The following HCN1 variants were observed in gnomAD, a reference collection of about 807,000 sequenced individuals.
The protein encoded by HCN1 is potassium/sodium hyperpolarization-activated cyclic nucleotide-gated channel 1.
In HCN1, 13 loss-of-function variants were observed where a neutral mutation model predicts 78.9. The ratio of observed to expected loss-of-function variants is 0.16; its 90% CI spans 0.11 to 0.26. The LOEUF (loss-of-function observed/expected upper bound fraction) is 0.26. Ranked by LOEUF, HCN1 falls within the 10% of genes least tolerant of loss-of-function variation. The pLI is 1.00. For synonymous variants in HCN1, 552 were observed against 455.5 expected (o/e 1.21, Z -2.70); for missense variants, 810 against 1,154.3 (o/e 0.70, Z 4.32).
chr5:45,614,521 C>T (rs898143053), intron 2 of HCN1, among the ~76,000 whole-genome samples: 7 of 152,152 alleles, frequency 4.6e-5, no homozygotes, highest in Admixed American at 1.3e-4. Flanking sequence ...CACTTCTTCA[C>T]GTTGACAATG....
intron 6 of HCN1, among the ~76,000 whole-genome samples, chr5:45,281,690 C>T (rs193107305): frequency 0.026 from 3,805 of 143,874 alleles, 73 homozygotes; most frequent in Non-Finnish European, 0.037. Flanking sequence ...TGGGTTCAAG[C>T]AATTATCCTG....
chr5:45,582,153 G>T (rs1194005472), intron 2 of HCN1, among the ~76,000 whole-genome samples: 4 of 152,166 alleles, frequency 2.6e-5, no homozygotes, highest in African/African-American at 9.7e-5. Flanking sequence ...CTACCCATGA[G>T]CATGGAATGT....
chr5:45,652,015 T>C (rs1745685523), intron 1 of HCN1, among the ~76,000 whole-genome samples: 2 of 151,970 alleles, frequency 1.3e-5, no homozygotes, highest in Admixed American at 6.6e-5. Context: ...TGTCTTCCAA[T>C]AAACTAGCAA....
intron 1 of HCN1, among the ~76,000 whole-genome samples, chr5:45,693,958 A>C (rs1232424666): frequency 6.6e-6 from 1 of 152,172 alleles, no homozygotes; most frequent in Non-Finnish European, 1.5e-5. Context: ...CATGTAAGTT[A>C]TTTTCATTTA....
intron 1 of HCN1, among the ~76,000 whole-genome samples, chr5:45,693,143 C>A (rs1739945804): frequency 6.6e-6 from 1 of 152,108 alleles, no homozygotes; most frequent in South Asian, 2.1e-4. Context: ...ACATTCCTTT[C>A]CCTGTAGAAA....
intron 5 of HCN1, among the ~76,000 whole-genome samples, chr5:45,332,320 C>T (rs1746361519): frequency 6.6e-6 from 1 of 151,448 alleles, no homozygotes; most frequent in Admixed American, 6.6e-5. Flanking sequence ...AGGATTTATC[C>T]TTCATGTTAC....
chr5:45,388,001 C>T (rs746282686), intron 4 of HCN1, among the ~76,000 whole-genome samples: 6 of 152,088 alleles, frequency 3.9e-5, no homozygotes, highest in Middle Eastern at 3.4e-3. Flanking sequence ...CACAGGTAAC[C>T]GAAACTGAAA....
intron 3 of HCN1, among the ~76,000 whole-genome samples, chr5:45,429,427 C>T (rs1267156287): frequency 2.6e-5 from 4 of 151,998 alleles, no homozygotes; most frequent in Admixed American, 2.6e-4. Flanking sequence ...CAAGTTAGTG[C>T]TGGCTGTGTA....
intron 3 of HCN1, among the ~76,000 whole-genome samples, chr5:45,417,659 C>T (rs958745700): frequency 6.8e-6 from 1 of 147,552 alleles, no homozygotes; most frequent in Admixed American, 6.9e-5. Context: ...ACAGGTTATC[C>T]ACAGTCAGCT....
At chr5:45,554,188 CAGAT>C (rs1033447043) in intron 2 of HCN1, among the ~76,000 whole-genome samples, 23 of 151,916 alleles carry the variant, frequency 1.5e-4, no homozygotes, top group South Asian at 6.2e-4. Context: ...TTATCACTGA[CAGAT>C]AGGCCCATTG....
At chr5:45,563,861 A>G (rs550616714) in intron 2 of HCN1, among the ~76,000 whole-genome samples, 1 of 152,166 alleles carries the variant, frequency 6.6e-6, no homozygotes, top group African/African-American at 2.4e-5. Context: ...CCAAAAATAT[A>G]TAAGTCCACT....
rs772068771 is a variant in HCN1 at position 45,262,044 on chromosome 5, G to T, written c.2550C>A (p.Ile850=). The T allele has an allele frequency of 8.7e-6, 14 of 1,613,880 alleles. No individual in the cohort carries two copies. Among genetic ancestry groups the T allele is most frequent in the Admixed American group, 5.0e-5 (3 of 60,010 alleles). Residue 850 remains isoleucine (I), a synonymous_variant, in exon 8 of 8, where the codon ATC becomes ATA. Transcript: ENST00000303230. ...CTGGAGGGACTCCTCGGTTCGGGGGGATGGCTCCCGACGACATCTGTCGGA... is the reference window on the plus strand; with the variant it reads ...CTGGAGGGACTCCTCGGTTCGGGGGTATGGCTCCCGACGACATCTGTCGGA... The part of the protein sequence containing the change: ...TLFRQMSSGA[I]PPNRGVPPAP...
chr5:45,334,058 T>G (rs1409159418), intron 5 of HCN1, among the ~76,000 whole-genome samples: 1 of 151,842 alleles, frequency 6.6e-6, no homozygotes, highest in Non-Finnish European at 1.5e-5. Flanking sequence ...ACTTACCTCT[T>G]TTCTCCAAGA....
At chr5:45,393,764 G>A (rs750660621) in intron 4 of HCN1, among the ~76,000 whole-genome samples, 1 of 152,140 alleles carries the variant, frequency 6.6e-6, no homozygotes, top group Admixed American at 6.6e-5. Context: ...ATAAAGAATG[G>A]TCTAAAAAGA....
chr5:45,569,968 C>A (rs1743791026), intron 2 of HCN1, among the ~76,000 whole-genome samples: 1 of 151,964 alleles, frequency 6.6e-6, no homozygotes, highest in Admixed American at 6.6e-5. Context: ...AGCTTAAGCA[C>A]AAATCTTCCA....
intron 2 of HCN1, among the ~76,000 whole-genome samples, chr5:45,487,999 C>T: frequency 6.6e-6 from 1 of 152,024 alleles, no homozygotes; most frequent in East Asian, 1.9e-4. Context: ...GTAATCTTGA[C>T]TAGAGAGTAT....
intron 2 of HCN1, among the ~76,000 whole-genome samples, chr5:45,608,462 T>A (rs1744768387): frequency 6.6e-6 from 1 of 151,544 alleles, no homozygotes; most frequent in African/African-American, 2.4e-5. Flanking sequence ...CTAACATAGT[T>A]CTAAATGAGA....
chr5:45,356,446 C>T (rs895289751), intron 4 of HCN1, among the ~76,000 whole-genome samples: 9 of 151,840 alleles, frequency 5.9e-5, no homozygotes, highest in Non-Finnish European at 8.8e-5. Context: ...TTATAAAACA[C>T]GGCAAGGATC....
intron 5 of HCN1, among the ~76,000 whole-genome samples, chr5:45,311,629 C>T (rs1745853322): frequency 6.6e-6 from 1 of 152,030 alleles, no homozygotes; most frequent in South Asian, 2.1e-4. Flanking sequence ...TGTTATGATC[C>T]ATGGAGGATA....
Sources: allele counts gnomAD v4.1 joint callset (sites outside exome capture counted in the v4.1 genomes callset), GRCh38; gene constraint gnomAD v4.1.1; transcripts MANE v1.5; gene names NCBI Gene and HGNC (gene_info 2026-07-23, HGNC 2026-07-21).